The following MAPK10 variants were observed in gnomAD, a reference collection of about 807,000 sequenced individuals.
MAPK10 encodes JNK3 alpha protein kinase.
A neutral mutation model predicts 59.3 loss-of-function variants in MAPK10; 25 were observed. The ratio of observed to expected loss-of-function variants is 0.42; its 90% CI spans 0.31 to 0.59. The LOEUF is 0.59. Ranked by LOEUF, MAPK10 falls within the 20% of genes least tolerant of loss-of-function variation. The pLI is 0.15. For missense variants in MAPK10, 351 were observed against 568.9 expected (o/e 0.62, Z 3.90); for synonymous variants, 190 against 200.5 (o/e 0.95, Z 0.44).
At chr4:86,309,547 C>T (rs1424636431) in intron 2 of MAPK10, among the ~76,000 whole-genome samples, 2 of 152,178 alleles carry the variant, frequency 1.3e-5, no homozygotes, top group Non-Finnish European at 2.9e-5. Context: ...AAATCAACAA[C>T]TGGGGCTTTT....
intron 1 of MAPK10, among the ~76,000 whole-genome samples, chr4:86,459,640 T>C (rs1224792435): frequency 1.3e-5 from 2 of 152,250 alleles, no homozygotes; most frequent in Non-Finnish European, 2.9e-5. Flanking sequence ...TGGAGACTAT[T>C]ATTCTAAATG....
rs543089429 is a variant in MAPK10, at chr4:86,194,182, G to A, written c.66+154C>T. The A allele has an allele frequency of 6.9e-5, 44 of 640,974 alleles. No individual in the cohort carries two copies. The African/African-American group carries it at 7.6e-4, about 11-fold the overall frequency. 39.7% of individuals were successfully genotyped at this position (640,974 alleles called of 1,614,324 possible). On this transcript the variant is annotated intron_variant, in intron 3 of 13. Coordinates refer to ENST00000641462, the MANE Select transcript of MAPK10 (RefSeq NM_138982.4). ...TTGCTGGGAGCTGGAGACTGGGGCTGTTTCTATTCAGCCGTCTTGCCAGCT... is the reference window on the plus strand; with the variant it reads ...TTGCTGGGAGCTGGAGACTGGGGCTATTTCTATTCAGCCGTCTTGCCAGCT...
chr4:86,035,571 TAA>T (rs559329707), intron 11 of MAPK10, among the ~76,000 whole-genome samples: 26 of 140,578 alleles, frequency 1.8e-4, no homozygotes, highest in Non-Finnish European at 2.0e-4. Context: ...TGACTGCGGT[TAA>T]AAAAAAAAAA....
chr4:86,498,253 C>A (rs1406327562), intron 1 of MAPK10, among the ~76,000 whole-genome samples: 2 of 152,224 alleles, frequency 1.3e-5, no homozygotes, highest in Non-Finnish European at 2.9e-5. Context: ...CAAGGCCTGG[C>A]AGGCAACCAG....
intron 1 of MAPK10, among the ~76,000 whole-genome samples, chr4:86,546,633 A>T (rs1002817142): frequency 2.0e-5 from 3 of 152,094 alleles, no homozygotes; most frequent in Non-Finnish European, 4.4e-5. Context: ...CCTTCTGAGT[A>T]TAGGTCCTAT....
At chr4:86,331,442 G>C (rs1242304621) in intron 2 of MAPK10, among the ~76,000 whole-genome samples, 1 of 152,108 alleles carries the variant, frequency 6.6e-6, no homozygotes, top group East Asian at 1.9e-4. Flanking sequence ...TCAAGTATGA[G>C]CATAATTACA....
At chr4:86,582,077 A>T (rs949738887) in intron 1 of MAPK10, among the ~76,000 whole-genome samples, 4 of 151,364 alleles carry the variant, frequency 2.6e-5, no homozygotes, top group African/African-American at 9.7e-5. Flanking sequence ...CTTCATACTG[A>T]ATCTACAGGC....
At chr4:86,504,735 T>G (rs1026597092) in intron 1 of MAPK10, among the ~76,000 whole-genome samples, 1 of 152,060 alleles carries the variant, frequency 6.6e-6, no homozygotes, top group Non-Finnish European at 1.5e-5. Flanking sequence ...GATTTACTGT[T>G]TCAAATTCTA....
intron 9 of MAPK10, among the ~76,000 whole-genome samples, chr4:86,097,962 C>A (rs1213892628): frequency 6.6e-6 from 1 of 152,084 alleles, no homozygotes; most frequent in Non-Finnish European, 1.5e-5. Flanking sequence ...ACTCACCTGA[C>A]CACTAGCAAC....
In MAPK10 at chr4:86,414,781, G is replaced by T. The variant is rs146801930; in HGVS notation, c.-122+38249C>A. ...CAGGTCCCCTAAAAAGGATATTTAT[G>T]AATACAATTGGGTATTTTGGCAATC... On this transcript the variant is annotated intron_variant, in intron 1 of 13. Transcript: ENST00000361569. 1.6e-4 allele frequency among the ~76,000 whole-genome samples: 24 copies of T among 152,062 alleles called. No homozygotes were observed. In the East Asian group the frequency reaches 4.7e-3, roughly 30 times the overall value.
At chr4:86,542,629 TGATAATACA>T (rs1021247434) in intron 1 of MAPK10, 1 of 154,256 alleles carries the variant, frequency 6.5e-6, no homozygotes, top group African/African-American at 2.4e-5. Flanking sequence ...AAACTCCCTA[TGATAATACA>T]GAGTTCACTG....
chr4:86,378,069 A>G (rs1017402108), intron 1 of MAPK10, among the ~76,000 whole-genome samples: 1 of 152,148 alleles, frequency 6.6e-6, no homozygotes, highest in Non-Finnish European at 1.5e-5. Flanking sequence ...TGTATCCTTC[A>G]ATCCAATCAA....
At chr4:86,207,726 G>A (rs1342188163) in intron 2 of MAPK10, among the ~76,000 whole-genome samples, 2 of 152,034 alleles carry the variant, frequency 1.3e-5, no homozygotes, top group Non-Finnish European at 2.9e-5. Context: ...ATTTCATTGA[G>A]CAGTGGTTTG....
At chr4:86,378,809 A>C (rs1484211585) in intron 1 of MAPK10, among the ~76,000 whole-genome samples, 1 of 152,208 alleles carries the variant, frequency 6.6e-6, no homozygotes, top group Non-Finnish European at 1.5e-5. Flanking sequence ...TCATGGACCC[A>C]GCCCTTAAGA....
intron 1 of MAPK10, among the ~76,000 whole-genome samples, chr4:86,588,062 G>GA (rs1445922482): frequency 6.6e-6 from 1 of 152,108 alleles, no homozygotes; most frequent in African/African-American, 2.4e-5. Context: ...ATTTTCCCTA[G>GA]AAAAAAGCAC....
At position 86,448,404 on chromosome 4, in the gene MAPK10, T is replaced by G. The variant is rs540541766; in HGVS notation, c.-122+4626A>C. Among the ~76,000 whole-genome samples the G allele has an allele frequency of 6.2e-3, 918 of 148,500 alleles. 6 individuals carry two copies. The highest frequency in any genetic ancestry group is 0.021 in the African/African-American group (819 of 38,532). ...GTCTAATTAAAAAGAATTCTGGGTT[T>G]TTTTTTTTATCTTAAATTTATGGAT... On this transcript the variant is annotated intron_variant, in intron 1 of 13. Coordinates refer to the MAPK10 transcript ENST00000361569.
intron 2 of MAPK10, among the ~76,000 whole-genome samples, chr4:86,225,604 A>T (rs886487020): frequency 6.6e-6 from 1 of 152,230 alleles, no homozygotes; most frequent in Non-Finnish European, 1.5e-5. Flanking sequence ...TTAGCAACTC[A>T]TCACACTCAG....
intron 1 of MAPK10, among the ~76,000 whole-genome samples, chr4:86,516,624 G>GTT (rs200814720): frequency 6.7e-6 from 1 of 149,922 alleles, no homozygotes; most frequent in African/African-American, 2.4e-5. Flanking sequence ...ATTCCTAAGG[G>GTT]TTTTTTTGTT....
chr4:86,553,324 T>C (rs1760004716), intron 1 of MAPK10, among the ~76,000 whole-genome samples: 1 of 152,120 alleles, frequency 6.6e-6, no homozygotes, highest in Admixed American at 6.6e-5. Context: ...GTTTTAGTTG[T>C]TGTTCACTCT....
Sources: allele counts gnomAD v4.1 joint callset (sites outside exome capture counted in the v4.1 genomes callset), GRCh38; gene constraint gnomAD v4.1.1; transcripts MANE v1.5; gene names NCBI Gene and HGNC (gene_info 2026-07-23, HGNC 2026-07-21).